The following GATA4 variants were observed in gnomAD, a reference collection of about 807,000 sequenced individuals.
GATA4 encodes the protein transcription factor GATA-4.
Under a neutral mutation model 37.9 loss-of-function variants are expected in GATA4, and 7 were observed. The observed-to-expected ratio is 0.18, with a 90% CI of 0.11 to 0.35. The LOEUF (loss-of-function observed/expected upper bound fraction) is 0.35, where lower values mean the gene tolerates loss of function less well. Ranked by LOEUF, GATA4 falls within the 10% of genes least tolerant of loss-of-function variation. The pLI is 1.00. For synonymous variants in GATA4, 372 were observed against 292.6 expected (o/e 1.27, Z -2.77); for missense variants, 647 against 653.0 (o/e 0.99, Z 0.10).
At position 11,709,575 on chromosome 8, in the gene GATA4, C is replaced by CGGGGGGGG. The variant is rs780683869; in HGVS notation, c.616+651_616+658dup. On this transcript the variant is annotated intron_variant, in intron 2 of 6. Transcript: ENST00000532059. This position sits in a 1 kb window ranked among gnomAD's most constrained non-coding sequence, Gnocchi z 4.3. ...GCGCGTGGGCGCATCATGCGGGCAG[C>CGGGGGGGG]GGGGGGGGGGGCGCACACGCCCGGT... Among the ~76,000 whole-genome samples, 46 of 93,830 alleles carry CGGGGGGGG rather than the reference C, an allele frequency of 4.9e-4. No homozygotes were observed. Among genetic ancestry groups the CGGGGGGGG allele is most frequent in the African/African-American group, 2.9e-3 (43 of 14,598 alleles). 61.6% of individuals were successfully genotyped at this position (93,830 alleles called of 152,430 possible). A position where few individuals can be genotyped will look rare whatever the true frequency, so the allele number is the denominator to read the frequency against.
upstream of GATA4, among the ~76,000 whole-genome samples, chr8:11,690,469 A>G (rs1799275013): frequency 6.6e-6 from 1 of 152,228 alleles, no homozygotes; most frequent in South Asian, 2.1e-4. Context: ...GCAGATGTAT[A>G]GACAGGTTAA....
At chr8:11,698,788 C>T (rs955951806) in intron 1 of GATA4, among the ~76,000 whole-genome samples, 1 of 152,122 alleles carries the variant, frequency 6.6e-6, no homozygotes, top group African/African-American at 2.4e-5. Flanking sequence ...TTCCTGCAGT[C>T]CCCAGGACCT....
At chr8:11,757,873 T>C (rs76752652) in intron 6 of GATA4, among the ~76,000 whole-genome samples, 3,315 of 152,320 alleles carry the variant, frequency 0.022, 120 homozygotes, top group African/African-American at 0.075. Flanking sequence ...AAGGAGGCCG[T>C]GTCTTAGTGA....
intron 2 of GATA4, among the ~76,000 whole-genome samples, chr8:11,722,605 C>A (rs147639151): frequency 3.3e-5 from 5 of 152,262 alleles, no homozygotes; most frequent in African/African-American, 9.6e-5. Context: ...ATTCTGTTTG[C>A]TAAAGAAATG....
intron 2 of GATA4, 80 bp from the exon 3 acceptor site, chr8:11,748,836 T>C (rs1802154860): frequency 1.3e-6 from 2 of 1,517,308 alleles, no homozygotes; most frequent in Non-Finnish European, 1.8e-6. Context: ...CTGTGCGCTC[T>C]AGATTCTCAG....
intron 2 of GATA4, among the ~76,000 whole-genome samples, chr8:11,732,843 C>T (rs903218856): frequency 2.0e-5 from 3 of 152,124 alleles, no homozygotes; most frequent in African/African-American, 7.2e-5. Context: ...ACTCATATCC[C>T]CAACTATAGA....
chr8:11,691,245 T>C (rs1799303360), upstream of GATA4, among the ~76,000 whole-genome samples: 2 of 152,236 alleles, frequency 1.3e-5, no homozygotes, highest in Non-Finnish European at 2.9e-5. Flanking sequence ...CCATTTTTAG[T>C]TCCTCACTGA....
At chr8:11,678,147 CAA>C (rs1250823194) in intron 1 of GATA4, among the ~76,000 whole-genome samples, 1 of 151,936 alleles carries the variant, frequency 6.6e-6, no homozygotes, top group Non-Finnish European at 1.5e-5. Flanking sequence ...TGAAACCTAC[CAA>C]GTTTCCTGTG....
chr8:11,744,799 T>G (rs1276250596), intron 2 of GATA4, among the ~76,000 whole-genome samples: 6 of 152,176 alleles, frequency 3.9e-5, no homozygotes, highest in Non-Finnish European at 7.4e-5. Flanking sequence ...AGCCTTTACT[T>G]TGGCTGTTTT....
intron 1 of GATA4, chr8:11,682,963 G>A: frequency 4.8e-6 from 3 of 624,906 alleles, no homozygotes; most frequent in Non-Finnish European, 6.0e-6. Flanking sequence ...TGCTATGGGT[G>A]TGGGGACAAG....
chr8:11,692,061 G>T (rs1405722901), upstream of GATA4: 1 of 985,122 alleles, frequency 1.0e-6, no homozygotes, highest in African/African-American at 1.7e-5. Context: ...AACAGAGGTG[G>T]CCGTGGGTGC....
chr8:11,748,181 G>A (rs1446830381), intron 2 of GATA4, among the ~76,000 whole-genome samples: 1 of 152,188 alleles, frequency 6.6e-6, no homozygotes, highest in African/African-American at 2.4e-5. Context: ...TCGCACCATT[G>A]CACTCTAGCC....
upstream of GATA4, among the ~76,000 whole-genome samples, chr8:11,692,377 G>A (rs1799341241): frequency 6.6e-6 from 1 of 152,160 alleles, no homozygotes; most frequent in Non-Finnish European, 1.5e-5. Flanking sequence ...GCAAGACCTC[G>A]CCGTCTTTAT....
chr8:11,694,149 G>A (rs186216857), intron 1 of GATA4, among the ~76,000 whole-genome samples: 1 of 152,266 alleles, frequency 6.6e-6, no homozygotes, highest in African/African-American at 2.4e-5. Flanking sequence ...CGGTTTGCGG[G>A]TAGAAACTTG....
At chr8:11,717,659 C>A (rs1800495092) in intron 2 of GATA4, among the ~76,000 whole-genome samples, 1 of 152,184 alleles carries the variant, frequency 6.6e-6, no homozygotes, top group African/African-American at 2.4e-5. Context: ...CTCTATTAAA[C>A]CTTAGGATTT....
intron 1 of GATA4, chr8:11,682,943 C>T (rs1799019827): frequency 2.3e-6 from 1 of 443,514 alleles, no homozygotes; most frequent in Non-Finnish European, 3.0e-6. Context: ...CGGGGACCTG[C>T]TTTGTTAAAT....
intron 2 of GATA4, among the ~76,000 whole-genome samples, chr8:11,711,674 A>G (rs1415454015): frequency 6.7e-6 from 1 of 148,998 alleles, no homozygotes; most frequent in Non-Finnish European, 1.5e-5. Flanking sequence ...CAGCTTTGGA[A>G]GCTGAGGTAG....
At chr8:11,718,953 C>G (rs1217716552) in intron 2 of GATA4, among the ~76,000 whole-genome samples, 1 of 152,216 alleles carries the variant, frequency 6.6e-6, no homozygotes, top group Non-Finnish European at 1.5e-5. Flanking sequence ...GAGTTTGAAC[C>G]AGGGGCAGAC....
chr8:11,683,574 C>A (rs1563184735), intron 1 of GATA4, among the ~76,000 whole-genome samples: 1 of 152,188 alleles, frequency 6.6e-6, no homozygotes, highest in African/African-American at 2.4e-5. Flanking sequence ...TTCATTCATT[C>A]ATTCGGCAAA....
Sources: gnomAD v4.1 joint callset for allele counts (sites outside exome capture counted in the v4.1 genomes callset) on GRCh38, gnomAD v4.1.1 for gene constraint, Gnocchi (gnomAD v3.1) non-coding constraint, MANE v1.5 for transcripts, NCBI Gene and HGNC (gene_info 2026-07-23, HGNC 2026-07-21) for gene names.